Variants in VPS50 observed in about 807,000 individuals in gnomAD.
VPS50 encodes syndetin.
A neutral mutation model predicts 139.7 loss-of-function variants in VPS50; 70 were observed. The ratio of observed to expected loss-of-function variants is 0.50; its 90% CI spans 0.41 to 0.61. VPS50 has a LOEUF of 0.61. VPS50 is among the 20% of genes least tolerant of loss of function. The pLI, the probability that VPS50 is intolerant of heterozygous loss-of-function variation, is 0.00. For missense variants in VPS50, 921 were observed against 1,133.7 expected (o/e 0.81, Z 2.69); for synonymous variants, 365 against 376.7 (o/e 0.97, Z 0.36).
At chr7:93,244,801 C>T (rs1795100786) in intron 2 of VPS50, among the ~76,000 whole-genome samples, 1 of 151,810 alleles carries the variant, frequency 6.6e-6, no homozygotes, top group African/African-American at 2.4e-5. Flanking sequence ...AAGGGAGACT[C>T]TAACTATGGA....
intron 12 of VPS50, among the ~76,000 whole-genome samples, chr7:93,288,871 A>G (rs1796568426): frequency 6.6e-6 from 1 of 152,062 alleles, no homozygotes; most frequent in Non-Finnish European, 1.5e-5. Context: ...CGTGAAACCC[A>G]TTTGTGTTTG....
intron 20 of VPS50, among the ~76,000 whole-genome samples, chr7:93,321,485 T>A (rs962494930): frequency 6.6e-6 from 1 of 152,186 alleles, no homozygotes; most frequent in African/African-American, 2.4e-5. Flanking sequence ...GCTTATTGAT[T>A]ATTGTCTTCC....
chr7:93,271,491 A>G (rs1796008848), intron 10 of VPS50, among the ~76,000 whole-genome samples: 1 of 151,782 alleles, frequency 6.6e-6, no homozygotes, highest in African/African-American at 2.4e-5. Context: ...TTTCCAAGAA[A>G]AATTTCCAAA....
rs200949909 is a variant in VPS50, at chr7:93,259,570, T to C, written c.597T>C (p.Ala199=). The C allele has an allele frequency of 1.4e-4, 225 of 1,586,726 alleles. 1 individual carries two copies. In the East Asian group the frequency reaches 4.1e-3, roughly 29 times the overall value. Residue 199 remains alanine (A), a synonymous_variant, in exon 9 of 28, where the codon GCT becomes GCC. Transcript: ENST00000305866. ...TTAAGGAGGAAGATTATCCAGGAGC[T>C]ATTCAGTTGTGCCTTGAATGTCAAA... ...EMLEEEDYPG[A]IQLCLECQKA...
chr7:93,281,741 T>G (rs1796332883), intron 12 of VPS50, among the ~76,000 whole-genome samples: 1 of 152,180 alleles, frequency 6.6e-6, no homozygotes, highest in South Asian at 2.1e-4. Context: ...TATTTTAAAT[T>G]ATACAACTAA....
intron 20 of VPS50, among the ~76,000 whole-genome samples, chr7:93,321,699 A>T (rs1297716257): frequency 6.6e-6 from 1 of 152,222 alleles, no homozygotes; most frequent in Admixed American, 6.5e-5. Context: ...TTACCTATTA[A>T]TAATCGATTT....
At position 93,246,156 on chromosome 7, in the gene VPS50, A is replaced by G. The variant is rs574042786; in HGVS notation, c.102+6222A>G. ...TAAGATTATAGCTTCCGTTTTCCCT[A>G]TAACAGAATAGATTTTTTATGTTGA... is the stretch of plus-strand genomic sequence containing the variant. On this transcript the variant is annotated intron_variant, in intron 2 of 27. Coordinates refer to ENST00000305866, the MANE Select transcript of VPS50 (RefSeq NM_017667.4). 40 of 1,355,336 alleles carry G rather than the reference A, an allele frequency of 3.0e-5. No individual in the cohort carries two copies. In the East Asian group the frequency reaches 5.3e-4, roughly 18 times the overall value. 84.0% of individuals were successfully genotyped at this position (1,355,336 alleles called of 1,614,324 possible).
chr7:93,293,128 G>A (rs1199872552), intron 13 of VPS50, among the ~76,000 whole-genome samples: 1 of 152,060 alleles, frequency 6.6e-6, no homozygotes, highest in Non-Finnish European at 1.5e-5. Context: ...TACCCTGCAG[G>A]GTTGTTGTAA....
intron 20 of VPS50, 54 bp downstream of exon 20, chr7:93,311,326 G>A (rs1002982684): frequency 2.3e-5 from 19 of 823,964 alleles, no homozygotes; most frequent in African/African-American, 1.0e-4. Context: ...GTTTGTTACC[G>A]AATGACTTTT....
intron 9 of VPS50, among the ~76,000 whole-genome samples, chr7:93,264,926 C>T (rs1795795514): frequency 6.6e-6 from 1 of 152,136 alleles, no homozygotes; most frequent in African/African-American, 2.4e-5. Flanking sequence ...GTTTTGATAA[C>T]ACCTGCACTC....
At chr7:93,318,487 A>C (rs1797497365) in intron 20 of VPS50, among the ~76,000 whole-genome samples, 1 of 152,150 alleles carries the variant, frequency 6.6e-6, no homozygotes, top group Admixed American at 6.5e-5. Context: ...TTTATATGCC[A>C]TTTATATTCA....
rs372429093 is a variant in VPS50 at position 93,244,501 on chromosome 7, C to T, written c.102+4567C>T. Among the ~76,000 whole-genome samples the T allele has an allele frequency of 1.1e-4, 16 of 151,934 alleles. No individual in the cohort carries two copies. The East Asian group carries it at 1.7e-3, about 16-fold the overall frequency. Reference sequence around the variant, plus strand: ...ATTTTAATGCTTTGTGCCTCAGTTTCTTCATTTGTGAAAAGATGCTATTGA... The same window carrying T: ...ATTTTAATGCTTTGTGCCTCAGTTTTTTCATTTGTGAAAAGATGCTATTGA... On this transcript the variant is annotated intron_variant, in intron 2 of 27. Transcript: ENST00000305866.
intron 1 of VPS50, among the ~76,000 whole-genome samples, chr7:93,236,968 T>C (rs370971050): frequency 5.2e-4 from 66 of 127,670 alleles, no homozygotes; most frequent in African/African-American, 1.9e-3. Flanking sequence ...TTTTTTTTTT[T>C]TCGAGACAGT....
chr7:93,282,031 T>C (rs368763051), intron 12 of VPS50, among the ~76,000 whole-genome samples: 1 of 151,948 alleles, frequency 6.6e-6, no homozygotes, highest in South Asian at 2.1e-4. Context: ...GGTGAAACCC[T>C]GTCTCTACTA....
intron 10 of VPS50, among the ~76,000 whole-genome samples, chr7:93,272,272 C>T (rs1433345147): frequency 6.6e-6 from 1 of 151,634 alleles, no homozygotes; most frequent in African/African-American, 2.4e-5. Context: ...TATTGTTCTC[C>T]AGTAGTCCCA....
In VPS50 at chr7:93,353,973, G is replaced by A. The variant is rs73417390; in HGVS notation, c.2585+212G>A. Among the ~76,000 whole-genome samples, 1,221 of 152,270 alleles carry A rather than the reference G, an allele frequency of 8.0e-3. 16 individuals are homozygous for A. Among genetic ancestry groups the A allele is most frequent in the African/African-American group, 0.026 (1,077 of 41,556 alleles). Reference sequence around the variant, plus strand: ...GCTAGTGGCATAGAACCAGCTAGTAGATGAGTGAGGAATGCAGAATCTAAT... The same window carrying A: ...GCTAGTGGCATAGAACCAGCTAGTAAATGAGTGAGGAATGCAGAATCTAAT... On this transcript the variant is annotated intron_variant, in intron 26 of 27. Transcript: ENST00000305866.
intron 1 of VPS50, among the ~76,000 whole-genome samples, chr7:93,235,318 T>G (rs1794766893): frequency 6.6e-6 from 1 of 152,120 alleles, no homozygotes; most frequent in Non-Finnish European, 1.5e-5. Context: ...TGTAGTACCT[T>G]ATAGGTAATA....
At chr7:93,250,438 A>G (rs919988351) in intron 2 of VPS50, among the ~76,000 whole-genome samples, 3 of 152,172 alleles carry the variant, frequency 2.0e-5, no homozygotes, top group African/African-American at 7.2e-5. Context: ...TGACAAAAAC[A>G]AGCAATGGGG....
chr7:93,259,783 A>G (rs1412247788), intron 9 of VPS50, 151 bp downstream of exon 9: 7 of 442,760 alleles, frequency 1.6e-5, no homozygotes, highest in Admixed American at 8.1e-5. Flanking sequence ...CAATAAAATT[A>G]TAAATAATAG....
Sources: allele counts gnomAD v4.1 joint callset (sites outside exome capture counted in the v4.1 genomes callset), GRCh38; gene constraint gnomAD v4.1.1; transcripts MANE v1.5; gene names NCBI Gene and HGNC (gene_info 2026-07-23, HGNC 2026-07-21).